NRXN3: variants seen among roughly 807,000 people sequenced by gnomAD.
NRXN3 encodes the protein neurexin 3.
A neutral mutation model predicts 137.6 loss-of-function variants in NRXN3; 32 were observed. The ratio of observed to expected loss-of-function variants is 0.23; its 90% CI spans 0.18 to 0.31. The LOEUF (loss-of-function observed/expected upper bound fraction) is 0.31. NRXN3 is among the 10% of genes least tolerant of loss of function. The pLI is 1.00. For synonymous variants in NRXN3, 798 were observed against 784.5 expected (o/e 1.02, Z -0.29); for missense variants, 1,574 against 2,062.5 (o/e 0.76, Z 4.59).
rs150884284 is a variant in NRXN3 at position 78,895,250 on chromosome 14, A to G, written c.2276-61992A>G. Among the ~76,000 whole-genome samples, 624 of 151,980 alleles carry G rather than the reference A, an allele frequency of 4.1e-3. 4 individuals are homozygous for G. The highest frequency in any genetic ancestry group is 0.014 in the African/African-American group (599 of 41,506). Reference sequence around the variant, plus strand: ...TTGCTTGGTGTAGTCACCTTCATCAATTATCTTAGCTGGATGTAACGGATA... The same window carrying G: ...TTGCTTGGTGTAGTCACCTTCATCAGTTATCTTAGCTGGATGTAACGGATA... On this transcript the variant is annotated intron_variant, in intron 10 of 20. Transcript: ENST00000335750.
At chr14:79,653,797 G>A (rs1183223704) in intron 16 of NRXN3, among the ~76,000 whole-genome samples, 1 of 152,152 alleles carries the variant, frequency 6.6e-6, no homozygotes, top group African/African-American at 2.4e-5. Context: ...TGAGCCTAGT[G>A]AGAGAGAACA....
At chr14:79,467,719 G>A (rs2096448395) in intron 16 of NRXN3, among the ~76,000 whole-genome samples, 1 of 152,106 alleles carries the variant, frequency 6.6e-6, no homozygotes, top group Non-Finnish European at 1.5e-5. Context: ...ACCTGGTGTG[G>A]ATCTTACCTG....
chr14:79,150,917 G>A (rs1446335108), intron 15 of NRXN3, among the ~76,000 whole-genome samples: 1 of 152,038 alleles, frequency 6.6e-6, no homozygotes, highest in East Asian at 1.9e-4. Flanking sequence ...GTCCAGTGCA[G>A]CAGTACATGT....
At chr14:78,845,989 C>G (rs2099025900) in intron 10 of NRXN3, among the ~76,000 whole-genome samples, 1 of 151,276 alleles carries the variant, frequency 6.6e-6, no homozygotes, top group Non-Finnish European at 1.5e-5. Flanking sequence ...CTTTAGAGAT[C>G]TTCTGAGTTT....
At chr14:79,754,656 T>A (rs2099013186) in intron 19 of NRXN3, among the ~76,000 whole-genome samples, 1 of 151,186 alleles carries the variant, frequency 6.6e-6, no homozygotes, top group Non-Finnish European at 1.5e-5. Context: ...TGATATTTTA[T>A]TCAAATGTTT....
chr14:78,970,950 G>A (rs537950635), intron 14 of NRXN3, among the ~76,000 whole-genome samples: 6 of 152,314 alleles, frequency 3.9e-5, no homozygotes, highest in African/African-American at 1.4e-4. Context: ...CCCGCTGGGT[G>A]GGATGAAGTG....
chr14:78,861,826 A>C (rs550113500), intron 10 of NRXN3, among the ~76,000 whole-genome samples: 1 of 152,148 alleles, frequency 6.6e-6, no homozygotes, highest in South Asian at 2.1e-4. Flanking sequence ...TCAAGTTCTC[A>C]CTCAGGCTTT....
At chr14:78,396,865 A>G (rs1185320185) in intron 4 of NRXN3, among the ~76,000 whole-genome samples, 2 of 152,154 alleles carry the variant, frequency 1.3e-5, no homozygotes, top group Non-Finnish European at 2.9e-5. Context: ...TTATTTTCTC[A>G]CTGTCTGTAG....
intron 16 of NRXN3, among the ~76,000 whole-genome samples, chr14:79,490,130 TA>T (rs1209502028): frequency 6.7e-6 from 1 of 149,596 alleles, no homozygotes; most frequent in Non-Finnish European, 1.5e-5. Context: ...TCTATGAGAA[TA>T]AAAACAGGCT....
At chr14:78,623,756 C>T (rs556699876) in intron 4 of NRXN3, among the ~76,000 whole-genome samples, 13 of 152,132 alleles carry the variant, frequency 8.5e-5, no homozygotes, top group South Asian at 4.2e-4. Context: ...TTAGTAGAGA[C>T]GGGGTTTCAC....
At chr14:78,886,817 A>G (rs745873238) in intron 10 of NRXN3, among the ~76,000 whole-genome samples, 1 of 152,142 alleles carries the variant, frequency 6.6e-6, no homozygotes, top group Non-Finnish European at 1.5e-5. Context: ...CCTTGACAGA[A>G]TTGCTGCCCC....
chr14:79,176,777 A>G (rs1434540216), intron 15 of NRXN3, among the ~76,000 whole-genome samples: 1 of 152,198 alleles, frequency 6.6e-6, no homozygotes, highest in Admixed American at 6.5e-5. Context: ...CACATCTTCA[A>G]TATTCCATCT....
intron 17 of NRXN3, 34 bp from the exon 18 acceptor site, chr14:79,692,139 G>A (rs1171714804): frequency 6.6e-7 from 1 of 1,509,790 alleles, no homozygotes; most frequent in Non-Finnish European, 9.0e-7. Flanking sequence ...TGACTTTTCA[G>A]ATTGTTCTTT....
chr14:78,463,370 G>A (rs2094985851), intron 4 of NRXN3, among the ~76,000 whole-genome samples: 1 of 151,988 alleles, frequency 6.6e-6, no homozygotes, highest in Non-Finnish European at 1.5e-5. Flanking sequence ...ATGAGTGCCA[G>A]TGTCTTTTTA....
intron 15 of NRXN3, among the ~76,000 whole-genome samples, chr14:79,158,421 A>G (rs184319099): frequency 1.1e-4 from 17 of 151,976 alleles, no homozygotes; most frequent in African/African-American, 4.1e-4. Context: ...TACTATTATG[A>G]TGTATGAAGC....
intron 15 of NRXN3, among the ~76,000 whole-genome samples, chr14:79,051,892 G>C (rs2099642543): frequency 1.3e-5 from 2 of 152,138 alleles, no homozygotes; most frequent in African/African-American, 2.4e-5. Context: ...ATCTCCCCTG[G>C]CTAAGATGAA....
chr14:78,190,652 T>TTAC (rs2060636389), intron 1 of NRXN3, among the ~76,000 whole-genome samples: 280 of 67,448 alleles, frequency 4.2e-3, no homozygotes, highest in East Asian at 9.8e-3. Flanking sequence ...TATTTATTTA[T>TTAC]TTACTTACTT....
In NRXN3 at chr14:78,547,353, C is replaced by T. The variant is rs1250031069; in HGVS notation, c.758-97767C>T. 2.0e-5 allele frequency among the ~76,000 whole-genome samples: 3 copies of T among 152,000 alleles called. No individual in the cohort carries two copies. The East Asian group carries it at 5.8e-4, about 29-fold the overall frequency. ...CCCAAGCAGCTGGGATTACAGGCGC[C>T]CGCTACCACATTTTTTTTGTATTTT... On this transcript the variant is annotated intron_variant, in intron 4 of 20. Transcript: ENST00000335750.
chr14:78,733,266 C>T (rs185784730), intron 8 of NRXN3, among the ~76,000 whole-genome samples: 2 of 151,532 alleles, frequency 1.3e-5, no homozygotes, highest in East Asian at 1.9e-4. Context: ...TTGTTGTTGA[C>T]GGTGATAGGT....
Sources: gnomAD v4.1 joint callset for allele counts (sites outside exome capture counted in the v4.1 genomes callset) on GRCh38, gnomAD v4.1.1 for gene constraint, MANE v1.5 for transcripts, NCBI Gene and HGNC (gene_info 2026-07-23, HGNC 2026-07-21) for gene names.